Variants in SPART observed in about 807,000 individuals in gnomAD.
The protein encoded by SPART is spastic paraplegia 20 (Troyer syndrome).
A neutral mutation model predicts 58.7 loss-of-function variants in SPART; 35 were observed. That is an observed-to-expected ratio of 0.60 (90% CI 0.46 to 0.79). The LOEUF (loss-of-function observed/expected upper bound fraction) is 0.79. SPART is among the 30% of genes least tolerant of loss of function. The probability of loss-of-function intolerance (pLI) is 0.00; values close to 1 mark genes in which losing one functional copy is unlikely to be tolerated. For missense variants in SPART, 730 were observed against 786.1 expected (o/e 0.93, Z 0.85); for synonymous variants, 284 against 280.7 (o/e 1.01, Z -0.12).
At chr13:36,322,116 T>G (rs1882472028) in intron 5 of SPART, among the ~76,000 whole-genome samples, 2 of 152,132 alleles carry the variant, frequency 1.3e-5, no homozygotes, top group African/African-American at 4.8e-5. Context: ...TCAGCCCACC[T>G]GCACCCAGGT....
upstream of SPART, among the ~76,000 whole-genome samples, chr13:36,347,479 C>T (rs1290491835): frequency 2.0e-5 from 3 of 152,166 alleles, no homozygotes; most frequent in African/African-American, 7.2e-5. Context: ...TCTCGAATTC[C>T]TGACCTCAAG....
chr13:36,307,657 A>G (rs185082588), intron 8 of SPART, among the ~76,000 whole-genome samples: 69 of 152,230 alleles, frequency 4.5e-4, no homozygotes, highest in Admixed American at 1.8e-3. Flanking sequence ...TAAGCTTCAT[A>G]TGTAGAATGA....
chr13:36,363,857 T>C (rs1214787768), intron 1 of SPART, among the ~76,000 whole-genome samples: 3 of 152,166 alleles, frequency 2.0e-5, no homozygotes, highest in African/African-American at 7.2e-5. Flanking sequence ...TAAGTGTACG[T>C]CATCCAGCTT....
At chr13:36,321,702 TTTTG>T (rs1286132356) in intron 5 of SPART, among the ~76,000 whole-genome samples, 3 of 151,938 alleles carry the variant, frequency 2.0e-5, no homozygotes, top group Middle Eastern at 3.2e-3. Context: ...TTCAACACTA[TTTTG>T]TTTTATTTTT....
At chr13:36,308,846 G>A (rs1235716564) in intron 8 of SPART, among the ~76,000 whole-genome samples, 1 of 141,216 alleles carries the variant, frequency 7.1e-6, no homozygotes, top group African/African-American at 2.5e-5. Context: ...GAATATTAGA[G>A]TTCAGGCCAC....
Position 36,304,335 on chromosome 13 carries a change from G to C in SPART, c.*30C>G. The C allele has an allele frequency of 1.2e-6, 2 of 1,613,610 alleles. No individual in the cohort carries two copies. The highest frequency in any genetic ancestry group is 1.7e-6 in the Non-Finnish European group (2 of 1,179,754). On this transcript the variant is annotated 3_prime_UTR_variant, in exon 9 of 9. Coordinates refer to ENST00000438666, the MANE Select transcript of SPART (RefSeq NM_015087.5). ...AACAAAATTTCATCCATTTCATAAG[G>C]CTTTGGTATAAGTGATTCCCAGCAC...
chr13:36,362,249 G>T (rs1885890397), intron 1 of SPART, among the ~76,000 whole-genome samples: 2 of 151,900 alleles, frequency 1.3e-5, no homozygotes, highest in Non-Finnish European at 2.9e-5. Flanking sequence ...TATTCAGGAG[G>T]CTGAGGCAGG....
chr13:36,356,811 CTT>C (rs1219511834), intron 1 of SPART, among the ~76,000 whole-genome samples: 1 of 152,100 alleles, frequency 6.6e-6, no homozygotes, highest in Non-Finnish European at 1.5e-5. Context: ...GAGTTTGACT[CTT>C]TTTGTCAACA....
intron 1 of SPART, among the ~76,000 whole-genome samples, chr13:36,366,391 C>T (rs1365943843): frequency 1.3e-5 from 2 of 152,164 alleles, no homozygotes; most frequent in African/African-American, 2.4e-5. Flanking sequence ...CCTGGTATAC[C>T]TCCCTGTATC....
At chr13:36,362,999 C>T (rs1322591095) in intron 1 of SPART, among the ~76,000 whole-genome samples, 1 of 152,084 alleles carries the variant, frequency 6.6e-6, no homozygotes, top group African/African-American at 2.4e-5. Context: ...CATGCATACA[C>T]ATCCTCTGAA....
At chr13:36,362,919 T>A (rs1885919902) in intron 1 of SPART, among the ~76,000 whole-genome samples, 1 of 152,210 alleles carries the variant, frequency 6.6e-6, no homozygotes, top group African/African-American at 2.4e-5. Context: ...CTGTATTAAC[T>A]AATTTTCTGC....
intron 1 of SPART, among the ~76,000 whole-genome samples, chr13:36,343,524 C>A (rs1348995232): frequency 6.6e-6 from 1 of 152,102 alleles, no homozygotes; most frequent in Non-Finnish European, 1.5e-5. Context: ...TCAACTAACG[C>A]ATGATGTAAA....
At chr13:36,328,699 C>T (rs1190008785) in intron 4 of SPART, among the ~76,000 whole-genome samples, 1 of 151,894 alleles carries the variant, frequency 6.6e-6, no homozygotes, top group East Asian at 1.9e-4. Context: ...CCAAATTTAC[C>T]AGTTAGAATA....
intron 5 of SPART, among the ~76,000 whole-genome samples, chr13:36,319,479 T>G (rs957272907): frequency 2.0e-5 from 3 of 152,056 alleles, no homozygotes; most frequent in Middle Eastern, 3.4e-3. Flanking sequence ...CTGTTATCAC[T>G]CGCCTGCTAC....
chr13:36,330,161 T>G (rs1345078001), intron 3 of SPART, among the ~76,000 whole-genome samples: 2 of 152,266 alleles, frequency 1.3e-5, no homozygotes, highest in African/African-American at 4.8e-5. Flanking sequence ...CCAGTTAACG[T>G]AGGGGTGAAG....
At position 36,335,238 on chromosome 13, in the gene SPART, C is replaced by A; in HGVS notation, c.593G>T (p.Gly198Val). 6.2e-7 allele frequency: 1 copy of A among 1,614,110 alleles called. No individual in the cohort carries two copies. Among genetic ancestry groups the A allele is most frequent in the Non-Finnish European group, 8.5e-7 (1 of 1,180,030 alleles). ...GTDSGEFSSV[G>V]EEFYRNHSQP... Reference sequence around the variant, plus strand: ...AGAATGATTCCTATAAAACTCCTCTCCAACTGATGAAAACTCCCCAGAATC... The same window carrying A: ...AGAATGATTCCTATAAAACTCCTCTACAACTGATGAAAACTCCCCAGAATC... Residue 198 changes from glycine (G) to valine (V), a missense_variant, in exon 2 of 9, where the codon GGA (glycine) becomes GTA (valine). Coordinates refer to ENST00000438666, the MANE Select transcript of SPART (RefSeq NM_015087.5).
Position 36,335,034 on chromosome 13 carries a change from G to A in SPART, c.797C>T (p.Pro266Leu). The A allele has an allele frequency of 1.9e-6, 3 of 1,613,746 alleles. No individual in the cohort carries two copies. The highest frequency in any genetic ancestry group is 2.5e-6 in the Non-Finnish European group (3 of 1,179,804). The change falls in exon 2 of 9, where the codon CCC (proline) becomes CTC (leucine). Residue 266 changes from proline to leucine, a missense_variant. By Grantham distance (98) the Pro-to-Leu change is moderately conservative (BLOSUM62 -3). Coordinates refer to ENST00000438666, the MANE Select transcript of SPART (RefSeq NM_015087.5). The stretch of plus-strand genomic sequence containing the variant: ...TCTTTCGCTTACCTGAAGAAACCCG[G>A]GAGGACGGTTTAGAACCGTATCGAG... ...NSLDTVLNRP[P>L]GFLQVCDWLY...
intron 1 of SPART, chr13:36,368,109 CT>C: frequency 2.4e-6 from 1 of 421,326 alleles, no homozygotes; most frequent in South Asian, 1.8e-5. Context: ...AGGCTTATCA[CT>C]TTTCTTTCAA....
At chr13:36,331,907 C>G (rs967222176) in intron 2 of SPART, among the ~76,000 whole-genome samples, 1 of 152,058 alleles carries the variant, frequency 6.6e-6, no homozygotes, top group African/African-American at 2.4e-5. Flanking sequence ...AAATAATAAT[C>G]AAAGTAAATT....
Sources: gnomAD v4.1 joint callset for allele counts (sites outside exome capture counted in the v4.1 genomes callset) on GRCh38, gnomAD v4.1.1 for gene constraint, MANE v1.5 for transcripts, NCBI Gene and HGNC (gene_info 2026-07-23, HGNC 2026-07-21) for gene names.